PHGDH: variants seen among roughly 807,000 people sequenced by gnomAD.
PHGDH encodes D-3-phosphoglycerate dehydrogenase.
A neutral mutation model predicts 52.6 loss-of-function variants in PHGDH; 50 were observed. The observed-to-expected ratio is 0.95, with a 90% CI of 0.76 to 1.20. PHGDH has a LOEUF of 1.20. Among genes scored for constraint, PHGDH ranks in the 50% most tolerant of loss-of-function variants. The pLI is 0.00. For synonymous variants in PHGDH, 271 were observed against 280.5 expected, an observed-to-expected ratio of 0.97 and a Z score of 0.34; for missense variants, 630 against 684.6, an observed-to-expected ratio of 0.92 and a Z score of 0.89.
Position 119,741,822 on chromosome 1 carries a change from C to T in PHGDH, c.1134C>T (p.Leu378=). 6.2e-7 allele frequency: 1 copy of T among 1,613,526 alleles called. No homozygotes were observed. The highest frequency in any genetic ancestry group is 1.1e-5 in the South Asian group (1 of 91,058). ...NCLSPAVIVG[L]LKEASKQADV... is the part of the protein sequence containing the mutation. The stretch of plus-strand genomic sequence containing the variant: ...TAAGCCCCGCAGTCATTGTCGGCCT[C>T]CTGAAAGAGGCTTCCAAGCAGGCGG... Residue 378 remains leucine (L), a synonymous_variant, in exon 10 of 12, where the codon CTC becomes CTT. Coordinates refer to ENST00000641023, the MANE Select transcript of PHGDH (RefSeq NM_006623.4).
At chr1:119,736,396 A>G (rs991095923) in intron 7 of PHGDH, among the ~76,000 whole-genome samples, 6 of 152,170 alleles carry the variant, frequency 3.9e-5, no homozygotes, top group African/African-American at 1.4e-4. Flanking sequence ...GACTCACAGG[A>G]TTACATGGTT....
At chr1:119,731,162 T>G (rs1252347510) in intron 5 of PHGDH, among the ~76,000 whole-genome samples, 5 of 152,134 alleles carry the variant, frequency 3.3e-5, no homozygotes, top group Non-Finnish European at 5.9e-5. Flanking sequence ...AAAGGTAACC[T>G]GACATTTGGC....
chr1:119,724,690 G>A, intron 3 of PHGDH: 2 of 404,894 alleles, frequency 4.9e-6, no homozygotes, highest in Non-Finnish European at 9.8e-6. Context: ...TAAGGGAAAA[G>A]ATCTCAATGT....
chr1:119,726,762 G>A lies in PHGDH; in HGVS notation c.357-89G>A, dbSNP rs1651439359. ...GTTCTTGGGGAAGTGGCTGTCATGG[G>A]CAGTGACTGTGCAAACCTGATGTTG... On this transcript the variant is annotated intron_variant, in intron 3 of 11. Transcript: ENST00000641023. The A allele has an allele frequency of 7.9e-6, 8 of 1,012,250 alleles. No individual in the cohort carries two copies. The Admixed American group carries it at 1.0e-4, about 13-fold the overall frequency. 62.7% of individuals were successfully genotyped at this position (1,012,250 alleles called of 1,614,324 possible).
intron 2 of PHGDH, among the ~76,000 whole-genome samples, chr1:119,722,875 TG>T (rs1485594303): frequency 7.6e-6 from 1 of 132,210 alleles, no homozygotes; most frequent in Admixed American, 8.7e-5. Context: ...CACTCCAGCC[TG>T]GGTGACAGAG....
chr1:119,721,113 GGCTTTACGA>G (rs765221224), intron 1 of PHGDH, 48 bp from the exon 2 acceptor site: 1 of 1,541,598 alleles, frequency 6.5e-7, no homozygotes, highest in South Asian at 1.1e-5. Flanking sequence ...ATGTGCCTGC[GGCTTTACGA>G]GTTCTCACAG....
At chr1:119,735,021 C>T (rs1417739012) in intron 6 of PHGDH, 2 of 621,368 alleles carry the variant, frequency 3.2e-6, no homozygotes, top group Admixed American at 2.8e-5. Context: ...TCTGCAGCCC[C>T]TGCAGGGCTT....
chr1:119,742,161 G>T (rs1487815128), intron 10 of PHGDH: 1 of 516,054 alleles, frequency 1.9e-6, no homozygotes, highest in Non-Finnish European at 3.5e-6. Context: ...CAAAGAAAAT[G>T]ACGAGCTAGT....
chr1:119,726,875 G>C lies in PHGDH; in HGVS notation c.381G>C (p.Ser127=), dbSNP rs886045205. The change falls in exon 4 of 12, where the codon TCG becomes TCC. Residue 127 remains serine (S), a synonymous_variant. Transcript: ENST00000641023. ...GGCAGATTCCCCAGGCGACGGCTTC[G>C]ATGAAGGACGGCAAATGGGAGCGGA... ...LARQIPQATA[S]MKDGKWERKK... 1.2e-6 allele frequency: 2 copies of C among 1,614,202 alleles called. No homozygotes were observed. The highest frequency in any genetic ancestry group is 1.7e-6 in the Non-Finnish European group (2 of 1,180,030).
At chr1:119,722,369 G>A (rs1267500017) in intron 2 of PHGDH, among the ~76,000 whole-genome samples, 1 of 152,080 alleles carries the variant, frequency 6.6e-6, no homozygotes, top group African/African-American at 2.4e-5. Context: ...GACCCAGTAG[G>A]GGAATAATCA....
chr1:119,741,813 T>G lies in PHGDH; in HGVS notation c.1125T>G (p.Ile375Met), dbSNP rs747623276. The G allele has an allele frequency of 8.1e-6, 13 of 1,613,468 alleles. No individual in the cohort carries two copies. The highest frequency in any genetic ancestry group is 1.0e-5 in the Non-Finnish European group (12 of 1,179,382). Residue 375 changes from isoleucine (I) to methionine (M), a missense_variant, in exon 10 of 12, where the codon ATT (isoleucine) becomes ATG (methionine). Coordinates refer to ENST00000641023, the MANE Select transcript of PHGDH (RefSeq NM_006623.4). ...NAGNCLSPAV[I>M]VGLLKEASKQ... ...GGAACTGCCTAAGCCCCGCAGTCAT[T>G]GTCGGCCTCCTGAAAGAGGCTTCCA...
Position 119,727,252 on chromosome 1 carries a change from G to A in PHGDH, c.510+150G>A, listed in dbSNP as rs80295608. 1.8e-3 allele frequency: 1,251 copies of A among 687,924 alleles called. 19 individuals carry two copies. In the East Asian group the frequency reaches 0.031, roughly 17 times the overall value. The allele number at this position is 687,924 out of a possible 1,614,324, so 42.6% of individuals were successfully genotyped here. On this transcript the variant is annotated intron_variant, in intron 5 of 11. Transcript: ENST00000641023. ...CTAAATAAGTGTTAAAGTCAAGGAG[G>A]GAGAGAACACTGGCCTGCTGATCTG... is the stretch of plus-strand genomic sequence containing the variant.
Position 119,723,413 on chromosome 1 carries a change from A to G in PHGDH, c.328A>G (p.Thr110Ala). 2 of 1,613,918 alleles carry G rather than the reference A, an allele frequency of 1.2e-6. No individual in the cohort carries two copies. The highest frequency in any genetic ancestry group is 3.3e-5 in the Admixed American group (2 of 60,018). The change falls in exon 3 of 12, where the codon ACT becomes GCT. Residue 110 changes from threonine to alanine, a missense_variant. Thr to Ala is a moderately conservative substitution (Grantham distance 58, BLOSUM62 0). Transcript: ENST00000641023. ...GAACAGCCTCAGTGCCGCAGAACTC[A>G]CTTGTGGAATGATCATGTGCCTGGC... ...NGNSLSAAEL[T>A]CGMIMCLARQ...
chr1:119,727,382 G>T, intron 5 of PHGDH: 1 of 492,324 alleles, frequency 2.0e-6, no homozygotes, highest in Middle Eastern at 5.7e-4. Flanking sequence ...TGAGACTTTG[G>T]TTCCTGTCTT....
intron 7 of PHGDH, among the ~76,000 whole-genome samples, chr1:119,736,478 C>T (rs1319366116): frequency 6.6e-6 from 1 of 152,134 alleles, no homozygotes; most frequent in African/African-American, 2.4e-5. Flanking sequence ...AGGAGAATGG[C>T]CGGAAGATGC....
rs765542839 is a variant in PHGDH, at chr1:119,741,881, A to G, written c.1193A>G (p.Lys398Arg). 40 of 1,614,046 alleles carry G rather than the reference A, an allele frequency of 2.5e-5. No individual in the cohort carries two copies. Among genetic ancestry groups the G allele is most frequent in the Non-Finnish European group, 3.3e-5 (39 of 1,179,898 alleles). ...VNLVNAKLLVKEAGLNVTTSH... is the reference protein window; with the variant it reads ...VNLVNAKLLVREAGLNVTTSH... ...TTGGTGAACGCTAAGCTGCTGGTGA[A>G]AGAGGCTGGCCTCAATGTGCGCCCC... Residue 398 changes from lysine to arginine, a missense_variant, in exon 10 of 12, where the codon AAA becomes AGA. Physicochemically the swap from Lys to Arg is conservative, Grantham distance 26. Transcript: ENST00000641023.
chr1:119,725,627 C>G (rs1651373461), intron 3 of PHGDH, among the ~76,000 whole-genome samples: 1 of 152,188 alleles, frequency 6.6e-6, no homozygotes, highest in Non-Finnish European at 1.5e-5. Context: ...AGGACAGATT[C>G]CACCTTCAGC....
At chr1:119,722,237 G>T (rs961819933) in intron 2 of PHGDH, among the ~76,000 whole-genome samples, 1 of 152,098 alleles carries the variant, frequency 6.6e-6, no homozygotes, top group African/African-American at 2.4e-5. Context: ...GCTGTGGGAG[G>T]ATGAGAAGCC....
At chr1:119,734,532 G>A in intron 5 of PHGDH, 102 bp from the exon 6 acceptor site, 1 of 1,061,518 alleles carries the variant, frequency 9.4e-7, no homozygotes, top group Non-Finnish European at 1.5e-6. Flanking sequence ...GAGCATGGTA[G>A]TTAGTATATG....
Sources: gnomAD v4.1 joint callset for allele counts (sites outside exome capture counted in the v4.1 genomes callset) on GRCh38, gnomAD v4.1.1 for gene constraint, MANE v1.5 for transcripts, NCBI Gene and HGNC (gene_info 2026-07-23, HGNC 2026-07-21) for gene names.